The following LPGAT1 variants were observed in gnomAD, a reference collection of about 807,000 sequenced individuals.
LPGAT1 encodes acyl-CoA:lysophosphatidylglycerol acyltransferase 1.
LPGAT1 carries 11 observed loss-of-function variants against 47.5 expected under a neutral mutation model. The observed-to-expected ratio is 0.23, with a 90% CI of 0.15 to 0.38. The LOEUF (loss-of-function observed/expected upper bound fraction) is 0.38. LPGAT1 is among the 10% of genes least tolerant of loss of function. LPGAT1 has a pLI of 1.00. For synonymous variants in LPGAT1, 138 were observed against 144.2 expected, an observed-to-expected ratio of 0.96 and a Z score of 0.31; for missense variants, 293 against 439.0, an observed-to-expected ratio of 0.67 and a Z score of 2.97.
chr1:211,778,213 G>A (rs1658488477), intron 6 of LPGAT1, among the ~76,000 whole-genome samples: 1 of 151,894 alleles, frequency 6.6e-6, no homozygotes, highest in Non-Finnish European at 1.5e-5. Context: ...ATGGTGGCGG[G>A]CGCCTGTAGT....
At chr1:211,816,014 A>T (rs1043198501) in intron 2 of LPGAT1, among the ~76,000 whole-genome samples, 2 of 151,698 alleles carry the variant, frequency 1.3e-5, no homozygotes, top group African/African-American at 2.4e-5. Context: ...ATCTCTTGAC[A>T]TTGTGATCCA....
Position 211,749,222 on chromosome 1 carries a change from G to T in LPGAT1, c.*677C>A, listed in dbSNP as rs1354947727. 6.5e-6 allele frequency: 1 copy of T among 152,684 alleles called. No individual in the cohort carries two copies. The highest frequency in any genetic ancestry group is 2.4e-5 in the African/African-American group (1 of 41,462). The allele number at this position is 152,684 out of a possible 1,614,324, so 9.5% of individuals were successfully genotyped here. ...ATGATATGCCTCTGATACAAAATGA[G>T]AAGTCAGATAAGGAAAAGCACGAGT... On this transcript the variant is annotated 3_prime_UTR_variant, in exon 8 of 8. Coordinates refer to ENST00000366997, the MANE Select transcript of LPGAT1 (RefSeq NM_014873.3).
intron 2 of LPGAT1, among the ~76,000 whole-genome samples, chr1:211,799,889 C>T (rs1404231962): frequency 2.6e-5 from 4 of 152,172 alleles, no homozygotes; most frequent in African/African-American, 9.6e-5. Flanking sequence ...GCTGTTCACC[C>T]AGTCATCTGA....
chr1:211,802,319 T>C (rs1447667233), intron 2 of LPGAT1, among the ~76,000 whole-genome samples: 1 of 151,588 alleles, frequency 6.6e-6, no homozygotes, highest in African/African-American at 2.4e-5. Context: ...AGAGGAAAAG[T>C]TTTTCCTCCC....
rs558629043 is a variant in LPGAT1, at chr1:211,777,725, A to T, written c.854+1193T>A. ...GATTAATGATTTAAAAACAAATTCA[A>T]TTTCTATCACAGGTGTGTGAACCAG... On this transcript the variant is annotated intron_variant, in intron 6 of 7. Transcript: ENST00000366997. Among the ~76,000 whole-genome samples, 5 of 152,326 alleles carry T rather than the reference A, an allele frequency of 3.3e-5. No homozygotes were observed. The South Asian group carries it at 1.0e-3, about 32-fold the overall frequency.
intron 2 of LPGAT1, among the ~76,000 whole-genome samples, chr1:211,793,658 C>G (rs1659231815): frequency 6.6e-6 from 1 of 152,176 alleles, no homozygotes; most frequent in Non-Finnish European, 1.5e-5. Flanking sequence ...GTCTCAAACT[C>G]TTGACCTCAA....
intron 6 of LPGAT1, among the ~76,000 whole-genome samples, chr1:211,776,276 C>T (rs935896365): frequency 8.5e-5 from 13 of 152,110 alleles, no homozygotes; most frequent in African/African-American, 2.9e-4. Flanking sequence ...ACAGGCCAGG[C>T]GCATGGCTAA....
intron 2 of LPGAT1, among the ~76,000 whole-genome samples, chr1:211,798,641 C>T (rs12077561): frequency 0.28 from 42,646 of 152,090 alleles, 7,716 homozygotes; most frequent in Non-Finnish European, 0.41. Context: ...TGTGATCATG[C>T]CACTACACTC....
At chr1:211,815,203 C>T (rs1157813163) in intron 2 of LPGAT1, among the ~76,000 whole-genome samples, 1 of 152,224 alleles carries the variant, frequency 6.6e-6, no homozygotes, top group Non-Finnish European at 1.5e-5. Flanking sequence ...GTCAATTTCA[C>T]AGCTCCACTT....
Position 211,748,828 on chromosome 1 carries a change from G to A in LPGAT1, c.*1071C>T, listed in dbSNP as rs1657050925. The A allele has an allele frequency of 6.6e-6, 1 of 152,576 alleles. No individual in the cohort carries two copies. Among genetic ancestry groups the A allele is most frequent in the Non-Finnish European group, 1.5e-5 (1 of 68,062 alleles). 9.5% of individuals were successfully genotyped at this position (152,576 alleles called of 1,614,324 possible). A position where few individuals can be genotyped will look rare whatever the true frequency, so the allele number is the denominator to read the frequency against. ...ACTACTGTCTGCACAGGTCCTAGGG[G>A]TGCCACATGAGAACCTGTCACCATT... On this transcript the variant is annotated 3_prime_UTR_variant, in exon 8 of 8. Coordinates refer to ENST00000366997, the MANE Select transcript of LPGAT1 (RefSeq NM_014873.3).
At position 211,749,831 on chromosome 1, in the gene LPGAT1, A is replaced by G; in HGVS notation, c.*68T>C. On this transcript the variant is annotated 3_prime_UTR_variant, in exon 8 of 8. Coordinates refer to ENST00000366997, the MANE Select transcript of LPGAT1 (RefSeq NM_014873.3). ...TAAATATATTCTGATTTGCACATGT[A>G]AAATAATGCACACTTATGAAAGAAA... 1 of 1,490,322 alleles carries G rather than the reference A, an allele frequency of 6.7e-7. No homozygotes were observed. 92.3% of individuals were successfully genotyped at this position (1,490,322 alleles called of 1,614,324 possible).
intron 6 of LPGAT1, among the ~76,000 whole-genome samples, chr1:211,771,971 A>G (rs1202253814): frequency 1.3e-5 from 2 of 152,082 alleles, no homozygotes; most frequent in Non-Finnish European, 2.9e-5. Context: ...CTGTTTCACT[A>G]TGTTGCCCAG....
chr1:211,814,381 G>C (rs1449675034), intron 2 of LPGAT1, among the ~76,000 whole-genome samples: 1 of 152,182 alleles, frequency 6.6e-6, no homozygotes, highest in African/African-American at 2.4e-5. Flanking sequence ...AAGAAACAAA[G>C]AACAGATTTT....
In LPGAT1 at chr1:211,749,974, G is replaced by A; in HGVS notation, c.1038C>T (p.Leu346=). ...CTGACAAAAATGCAAAAGACTGTAT[G>A]AGAAATATCCACAAGTTGCTGAGGG... ...EMTLSNLWIF[L]IQSFAFLSGY... The change falls in exon 8 of 8, where the codon CTC becomes CTT. Residue 346 remains leucine, a synonymous_variant. Coordinates refer to ENST00000366997, the MANE Select transcript of LPGAT1 (RefSeq NM_014873.3). The A allele has an allele frequency of 1.2e-6, 2 of 1,613,986 alleles. No individual in the cohort carries two copies. The highest frequency in any genetic ancestry group is 1.7e-6 in the Non-Finnish European group (2 of 1,179,854).
At chr1:211,813,507 G>A (rs539832327) in intron 2 of LPGAT1, among the ~76,000 whole-genome samples, 2 of 152,180 alleles carry the variant, frequency 1.3e-5, no homozygotes, top group East Asian at 3.9e-4. Context: ...AGGCCAAGAG[G>A]CAAATGAGGG....
chr1:211,803,756 TTTTC>T (rs1224135878), intron 2 of LPGAT1, among the ~76,000 whole-genome samples: 4 of 149,418 alleles, frequency 2.7e-5, no homozygotes, highest in Non-Finnish European at 4.5e-5. Flanking sequence ...ATTTTTCAGT[TTTTC>T]TTTCTTTTTT....
At chr1:211,762,240 A>G (rs920972604) in intron 6 of LPGAT1, among the ~76,000 whole-genome samples, 1 of 152,258 alleles carries the variant, frequency 6.6e-6, no homozygotes, top group Non-Finnish European at 1.5e-5. Flanking sequence ...TAAACAGAAG[A>G]ACATTAAAAA....
chr1:211,779,107 CAT>C, intron 5 of LPGAT1, 63 bp from the exon 6 acceptor site: 1 of 1,363,668 alleles, frequency 7.3e-7, no homozygotes, highest in South Asian at 1.5e-5. Context: ...CAGCAAATAA[CAT>C]AGATTACTTG....
rs1656997935 is a variant in LPGAT1 at position 211,747,704 on chromosome 1, T to C, written c.*2195A>G. On this transcript the variant is annotated 3_prime_UTR_variant, in exon 8 of 8. Transcript: ENST00000366997. Reference sequence around the variant, plus strand: ...CTAATCCCTCAAGTGAACAATTTCATTTCATCCAGTAATTTAGTGGTGCTT... The same window carrying C: ...CTAATCCCTCAAGTGAACAATTTCACTTCATCCAGTAATTTAGTGGTGCTT... The C allele has an allele frequency of 6.6e-6, 1 of 152,200 alleles. No homozygotes were observed. Among genetic ancestry groups the C allele is most frequent in the Non-Finnish European group, 1.5e-5 (1 of 68,032 alleles). The allele number at this position is 152,200 out of a possible 1,614,324, so 9.4% of individuals were successfully genotyped here.
Sources: gnomAD v4.1 joint callset for allele counts (sites outside exome capture counted in the v4.1 genomes callset) on GRCh38, gnomAD v4.1.1 for gene constraint, MANE v1.5 for transcripts, NCBI Gene and HGNC (gene_info 2026-07-23, HGNC 2026-07-21) for gene names.